Variants in PAPPA2 observed in about 807,000 individuals in gnomAD.
PAPPA2 encodes pappalysin 2.
In PAPPA2, 86 loss-of-function variants were observed where a neutral mutation model predicts 176.4. The ratio of observed to expected loss-of-function variants is 0.49; its 90% confidence interval spans 0.41 to 0.58. The LOEUF (loss-of-function observed/expected upper bound fraction) is 0.58. Among genes scored for constraint, PAPPA2 ranks in the 20% least tolerant of loss-of-function variants. The probability of loss-of-function intolerance (pLI) is 0.00; values close to 1 mark genes in which losing one functional copy is unlikely to be tolerated. For missense variants in PAPPA2, 2,073 were observed against 2,256.9 expected, an observed-to-expected ratio of 0.92 and a Z score of 1.65; for synonymous variants, 809 against 852.2, an observed-to-expected ratio of 0.95 and a Z score of 0.88.
chr1:176,696,518 C>G (rs1348055291), intron 7 of PAPPA2, among the ~76,000 whole-genome samples: 1 of 152,084 alleles, frequency 6.6e-6, no homozygotes, highest in Non-Finnish European at 1.5e-5. Context: ...CTGTACCTCC[C>G]CTAACTTTTC....
intron 3 of PAPPA2, among the ~76,000 whole-genome samples, chr1:176,618,034 T>C (rs370444529): frequency 3.3e-5 from 5 of 152,274 alleles, no homozygotes; most frequent in Non-Finnish European, 1.5e-5. Flanking sequence ...GTGAGAGTGA[T>C]GTTTGGAGCA....
chr1:176,600,163 G>C (rs1654227555), intron 3 of PAPPA2, among the ~76,000 whole-genome samples: 1 of 152,214 alleles, frequency 6.6e-6, no homozygotes, highest in Non-Finnish European at 1.5e-5. Context: ...TGGAGGAGAA[G>C]TTCAGTAATT....
intron 1 of PAPPA2, chr1:176,553,539 G>A (rs1323113220): frequency 1.3e-5 from 2 of 152,082 alleles, no homozygotes; most frequent in Non-Finnish European, 2.9e-5. Flanking sequence ...GTGAGCAAAG[G>A]AATGAAGGGA....
chr1:176,640,652 G>A (rs1237052889), intron 3 of PAPPA2, among the ~76,000 whole-genome samples: 2 of 151,900 alleles, frequency 1.3e-5, no homozygotes, highest in South Asian at 2.1e-4. Context: ...ATAAATATAC[G>A]TGTGCATGTG....
chr1:176,736,514 T>C (rs1238405900), intron 12 of PAPPA2, among the ~76,000 whole-genome samples: 1 of 147,178 alleles, frequency 6.8e-6, no homozygotes, highest in Non-Finnish European at 1.5e-5. Context: ...TTATGTATGT[T>C]AAAATGTATA....
intron 20 of PAPPA2, among the ~76,000 whole-genome samples, chr1:176,794,265 T>G (rs1665324034): frequency 6.6e-6 from 1 of 152,168 alleles, no homozygotes. Context: ...CCTCCGGGGT[T>G]CAAATACAAT....
At chr1:176,754,129 T>C (rs1161581714) in intron 14 of PAPPA2, among the ~76,000 whole-genome samples, 2 of 151,628 alleles carry the variant, frequency 1.3e-5, no homozygotes, top group South Asian at 4.2e-4. Flanking sequence ...AATTCCAGAA[T>C]AGCCTTTATT....
intron 14 of PAPPA2, among the ~76,000 whole-genome samples, chr1:176,761,710 G>A (rs1663707553): frequency 6.6e-6 from 1 of 152,148 alleles, no homozygotes; most frequent in South Asian, 2.1e-4. Context: ...GGCTGGCCCT[G>A]AGAGTGAGGG....
intron 8 of PAPPA2, among the ~76,000 whole-genome samples, chr1:176,701,488 G>C (rs1424447002): frequency 6.6e-6 from 1 of 152,174 alleles, no homozygotes; most frequent in Non-Finnish European, 1.5e-5. Context: ...TTCTCTGGGG[G>C]ATGTGGGGGT....
intron 1 of PAPPA2, among the ~76,000 whole-genome samples, chr1:176,548,828 A>G (rs1291548005): frequency 1.3e-5 from 2 of 151,912 alleles, no homozygotes; most frequent in African/African-American, 4.8e-5. Flanking sequence ...GTAAATGGGG[A>G]TGAAAATGGG....
At chr1:176,712,409 T>C (rs1661188377) in intron 12 of PAPPA2, among the ~76,000 whole-genome samples, 1 of 152,168 alleles carries the variant, frequency 6.6e-6, no homozygotes, top group African/African-American at 2.4e-5. Flanking sequence ...GTTTTGACTG[T>C]TTTTGAAATT....
rs183890191 is a variant in PAPPA2, at chr1:176,498,822, G to T, written c.-917+35404G>T. ...GCTTCCATGCTTTCTGGAAATGCTGGTCAGAAGTGGCACAAGGAAAAATAC... is the reference window on the plus strand; with the variant it reads ...GCTTCCATGCTTTCTGGAAATGCTGTTCAGAAGTGGCACAAGGAAAAATAC... On this transcript the variant is annotated intron_variant, in intron 1 of 22. Coordinates refer to ENST00000367662, the MANE Select transcript of PAPPA2 (RefSeq NM_020318.3). 3.9e-4 allele frequency among the ~76,000 whole-genome samples: 59 copies of T among 151,738 alleles called. 1 individual carries two copies. The highest frequency in any genetic ancestry group is 3.8e-3 in the Admixed American group (58 of 15,222).
chr1:176,737,728 T>C (rs990705395), intron 12 of PAPPA2, among the ~76,000 whole-genome samples: 1 of 152,108 alleles, frequency 6.6e-6, no homozygotes, highest in African/African-American at 2.4e-5. Context: ...AGTGATTTGA[T>C]ATTCAAAGAC....
chr1:176,808,139 T>C (rs1187159600), intron 21 of PAPPA2, among the ~76,000 whole-genome samples: 2 of 146,550 alleles, frequency 1.4e-5, no homozygotes, highest in Admixed American at 6.6e-5. Flanking sequence ...ATTCAGCTTA[T>C]AGTGTAAAAA....
chr1:176,738,486 C>T (rs1043642086), intron 12 of PAPPA2, among the ~76,000 whole-genome samples: 47 of 152,218 alleles, frequency 3.1e-4, no homozygotes, highest in Admixed American at 1.1e-3. Flanking sequence ...TTTTACTCTC[C>T]TGCTCCCCAC....
At chr1:176,523,638 A>G (rs2102541365) in intron 1 of PAPPA2, among the ~76,000 whole-genome samples, 1 of 152,324 alleles carries the variant, frequency 6.6e-6, no homozygotes, top group East Asian at 1.9e-4. Context: ...TTATTCATTC[A>G]TTAAATTTTT....
chr1:176,746,291 G>C (rs1182710704), intron 14 of PAPPA2, among the ~76,000 whole-genome samples: 1 of 152,262 alleles, frequency 6.6e-6, no homozygotes, highest in East Asian at 1.9e-4. Context: ...GAGGCAATAA[G>C]TTGATAACCA....
intron 1 of PAPPA2, among the ~76,000 whole-genome samples, chr1:176,508,860 TG>T (rs1273570783): frequency 5.9e-5 from 9 of 152,108 alleles, no homozygotes; most frequent in Non-Finnish European, 1.5e-5. Flanking sequence ...CATCATCTTC[TG>T]CCATGATCAT....
chr1:176,722,166 T>G (rs1362495796), intron 12 of PAPPA2, among the ~76,000 whole-genome samples: 6 of 152,168 alleles, frequency 3.9e-5, no homozygotes, highest in Admixed American at 6.5e-5. Flanking sequence ...TAAGTCTGCA[T>G]CTGATAACAC....
Sources: allele counts gnomAD v4.1 joint callset (sites outside exome capture counted in the v4.1 genomes callset), GRCh38; gene constraint gnomAD v4.1.1; transcripts MANE v1.5; gene names NCBI Gene and HGNC (gene_info 2026-07-23, HGNC 2026-07-21).